The following NALF1 variants were observed in gnomAD, a reference collection of about 807,000 sequenced individuals.
NALF1 encodes NALCN channel auxiliary factor 1.
In NALF1, 3 loss-of-function variants were observed where a neutral mutation model predicts 48.4. The observed-to-expected ratio is 0.06, with a 90% CI of 0.03 to 0.16. NALF1 has a LOEUF of 0.16. Ranked by LOEUF, NALF1 falls within the 10% of genes least tolerant of loss-of-function variation. The pLI, the probability that NALF1 is intolerant of heterozygous loss-of-function variation, is 1.00. For synonymous variants in NALF1, 262 were observed against 245.7 expected, an observed-to-expected ratio of 1.07 and a Z score of -0.62; for missense variants, 526 against 571.5, an observed-to-expected ratio of 0.92 and a Z score of 0.81.
At chr13:107,281,338 A>G (rs1289252311) in intron 1 of NALF1, among the ~76,000 whole-genome samples, 1 of 152,234 alleles carries the variant, frequency 6.6e-6, no homozygotes, top group Admixed American at 6.5e-5. Flanking sequence ...TTTGCACAGC[A>G]GGAAGGAGCA....
intron 1 of NALF1, among the ~76,000 whole-genome samples, chr13:107,434,272 G>A (rs569662843): frequency 1.6e-4 from 24 of 152,254 alleles, no homozygotes; most frequent in Middle Eastern, 3.4e-3. Flanking sequence ...TGTGAAAGTA[G>A]GAATTTTATA....
chr13:107,371,662 A>G (rs1883250908), intron 1 of NALF1, among the ~76,000 whole-genome samples: 1 of 152,144 alleles, frequency 6.6e-6, no homozygotes, highest in Non-Finnish European at 1.5e-5. Context: ...AGTAGTTATC[A>G]TTGAGGTTGC....
intron 1 of NALF1, among the ~76,000 whole-genome samples, chr13:107,560,648 T>C (rs1364930034): frequency 6.6e-6 from 1 of 152,166 alleles, no homozygotes; most frequent in Non-Finnish European, 1.5e-5. Context: ...GTGTTTATCA[T>C]GTAAATTCAC....
intron 2 of NALF1, among the ~76,000 whole-genome samples, chr13:107,203,034 T>C (rs759603468): frequency 6.6e-6 from 1 of 152,236 alleles, no homozygotes; most frequent in Non-Finnish European, 1.5e-5. Context: ...ATAATTTCAT[T>C]GTTCAAATTA....
intron 1 of NALF1, among the ~76,000 whole-genome samples, chr13:107,391,091 T>C (rs557973944): frequency 1.3e-5 from 2 of 152,290 alleles, no homozygotes; most frequent in South Asian, 4.1e-4. Flanking sequence ...TATTTGGGGA[T>C]GTCATTGGAA....
At chr13:107,645,680 C>CAAAAAAAAAAAAAAAAAAA (rs56187783) in intron 1 of NALF1, among the ~76,000 whole-genome samples, 1 of 132,500 alleles carries the variant, frequency 7.5e-6, no homozygotes. Context: ...TACTGGGAGA[C>CAAAAAAAAAAAAAAAAAAA]AAAAAAAAAA....
At chr13:107,816,712 T>C (rs751441506) in intron 1 of NALF1, among the ~76,000 whole-genome samples, 36 of 152,150 alleles carry the variant, frequency 2.4e-4, no homozygotes, top group Non-Finnish European at 4.6e-4. Context: ...GACAAGCATA[T>C]GACAAAGTTT....
intron 1 of NALF1, among the ~76,000 whole-genome samples, chr13:107,681,779 G>C (rs1881310436): frequency 2.6e-5 from 4 of 152,136 alleles, no homozygotes; most frequent in Admixed American, 2.6e-4. Flanking sequence ...CCTTCCTCCT[G>C]TCACCAGCCC....
chr13:107,632,314 A>G (rs1879856113), intron 1 of NALF1, among the ~76,000 whole-genome samples: 1 of 152,026 alleles, frequency 6.6e-6, no homozygotes, highest in African/African-American at 2.4e-5. Context: ...GGGTAATTCA[A>G]CTCCTGTGTG....
intron 1 of NALF1, among the ~76,000 whole-genome samples, chr13:107,584,879 C>CATT (rs1286822540): frequency 3.9e-5 from 6 of 152,062 alleles, no homozygotes; most frequent in South Asian, 2.1e-4. Flanking sequence ...CTGGTATTGC[C>CATT]ATTATTATTA....
At chr13:107,184,286 A>C (rs760565351) in intron 2 of NALF1, among the ~76,000 whole-genome samples, 5 of 152,070 alleles carry the variant, frequency 3.3e-5, no homozygotes, top group Admixed American at 6.6e-5. Flanking sequence ...AAAATTCAAG[A>C]ATGTTAGAAG....
intron 1 of NALF1, among the ~76,000 whole-genome samples, chr13:107,723,823 T>C (rs1198589625): frequency 6.6e-6 from 1 of 152,184 alleles, no homozygotes; most frequent in Admixed American, 6.6e-5. Flanking sequence ...TTTTACCTAA[T>C]TTTTTCTAGT....
intron 2 of NALF1, among the ~76,000 whole-genome samples, chr13:107,184,497 C>T (rs1327726565): frequency 1.3e-5 from 2 of 152,170 alleles, no homozygotes; most frequent in Non-Finnish European, 2.9e-5. Context: ...TCAAGACTGT[C>T]CTCCACTTTG....
intron 1 of NALF1, among the ~76,000 whole-genome samples, chr13:107,412,921 T>G (rs1255613761): frequency 2.0e-5 from 3 of 152,104 alleles, no homozygotes; most frequent in African/African-American, 7.2e-5. Flanking sequence ...TTTGTGGAGG[T>G]AGAGTATTGC....
intron 1 of NALF1, among the ~76,000 whole-genome samples, chr13:107,748,268 T>C (rs1876839012): frequency 6.6e-6 from 1 of 152,224 alleles, no homozygotes; most frequent in Admixed American, 6.5e-5. Flanking sequence ...TTGAGTTGTA[T>C]AAAAATAACT....
At chr13:107,308,016 T>C (rs1406570060) in intron 1 of NALF1, among the ~76,000 whole-genome samples, 2 of 152,098 alleles carry the variant, frequency 1.3e-5, no homozygotes, top group Non-Finnish European at 2.9e-5. Context: ...CATGATTATC[T>C]TCTAAAGAGC....
At chr13:107,406,242 A>G (rs1263555213) in intron 1 of NALF1, among the ~76,000 whole-genome samples, 1 of 152,044 alleles carries the variant, frequency 6.6e-6, no homozygotes, top group East Asian at 1.9e-4. Context: ...ACTTAACAAT[A>G]ATAACATTTA....
chr13:107,816,669 A>G (rs990342134), intron 1 of NALF1, among the ~76,000 whole-genome samples: 1 of 152,160 alleles, frequency 6.6e-6, no homozygotes, highest in African/African-American at 2.4e-5. Context: ...ATGGTATACA[A>G]AAGTTTTTAT....
intron 1 of NALF1, among the ~76,000 whole-genome samples, chr13:107,729,933 TTGAG>T (rs1249479140): frequency 1.2e-4 from 18 of 152,250 alleles, no homozygotes; most frequent in Admixed American, 1.2e-3. Context: ...AAAATATTTA[TTGAG>T]TGTCTCCTCT....
Sources: gnomAD v4.1 joint callset for allele counts (sites outside exome capture counted in the v4.1 genomes callset) on GRCh38, gnomAD v4.1.1 for gene constraint, MANE v1.5 for transcripts, NCBI Gene and HGNC (gene_info 2026-07-23, HGNC 2026-07-21) for gene names.